AHCTF1: variants seen among roughly 807,000 people sequenced by gnomAD.
The protein encoded by AHCTF1 is protein ELYS.
In AHCTF1, 24 loss-of-function variants were observed where a neutral mutation model predicts 248.4. That is an observed-to-expected ratio of 0.10 (90% CI 0.07 to 0.14). AHCTF1 has a LOEUF of 0.14. AHCTF1 is among the 10% of genes least tolerant of loss of function. The pLI, the probability that AHCTF1 is intolerant of heterozygous loss-of-function variation, is 1.00. For missense variants in AHCTF1, 2,206 were observed against 2,636.2 expected, an observed-to-expected ratio of 0.84 and a Z score of 3.57; for synonymous variants, 786 against 929.8, an observed-to-expected ratio of 0.85 and a Z score of 2.81.
Position 246,877,144 on chromosome 1 carries a change from C to A in AHCTF1, c.2805+14G>T. ...TCTTGAATTTCTGACAAGTTTACAT[C>A]GGTAAGTAATTACCTGCTCAGTGTC... On this transcript the variant is annotated intron_variant, in intron 22 of 35. Coordinates refer to ENST00000648844, the MANE Select transcript of AHCTF1 (RefSeq NM_001323342.2). The A allele has an allele frequency of 6.2e-7, 1 of 1,612,430 alleles. No homozygotes were observed. Among genetic ancestry groups the A allele is most frequent in the Non-Finnish European group, 8.5e-7 (1 of 1,179,660 alleles).
intron 25 of AHCTF1, 129 bp downstream of exon 25, chr1:246,867,532 C>G (rs1292582379): frequency 1.6e-6 from 2 of 1,241,168 alleles, no homozygotes; most frequent in Non-Finnish European, 2.3e-6. Flanking sequence ...ACATAGCCAA[C>G]ATAAAGAGTT....
intron 30 of AHCTF1, among the ~76,000 whole-genome samples, chr1:246,856,207 C>T (rs1465986037): frequency 6.6e-6 from 1 of 152,052 alleles, no homozygotes; most frequent in Non-Finnish European, 1.5e-5. Context: ...AGGCAAGGTT[C>T]AATATTTTAA....
At chr1:246,860,702 C>T (rs41304042) in intron 29 of AHCTF1, among the ~76,000 whole-genome samples, 197 bp downstream of exon 29, 119 of 152,246 alleles carry the variant, frequency 7.8e-4, no homozygotes, top group Non-Finnish European at 1.5e-3. Context: ...GACAGGGCCT[C>T]GCTATGTTGA....
intron 33 of AHCTF1, 23 bp downstream of exon 33, chr1:246,849,590 CTG>C (rs751312983): frequency 4.5e-6 from 7 of 1,568,284 alleles, no homozygotes; most frequent in Non-Finnish European, 6.0e-6. Flanking sequence ...AGATGAAAAA[CTG>C]TTTTGCAGAG....
chr1:246,842,979 A>C (rs1265245949), intron 34 of AHCTF1, among the ~76,000 whole-genome samples: 1 of 152,144 alleles, frequency 6.6e-6, no homozygotes, highest in Non-Finnish European at 1.5e-5. Flanking sequence ...CAATTCAACT[A>C]ATCTCCAAGT....
At position 246,867,525 on chromosome 1, in the gene AHCTF1, T is replaced by C. The variant is rs539368916; in HGVS notation, c.3239+136A>G. Reference sequence around the variant, plus strand: ...TTTTTAAAAATTCTTCTCAGAAACATAGCCAACATAAAGAGTTTTTCTTTT... The same window carrying C: ...TTTTTAAAAATTCTTCTCAGAAACACAGCCAACATAAAGAGTTTTTCTTTT... On this transcript the variant is annotated intron_variant, in intron 25 of 35. Transcript: ENST00000648844. 893 of 1,204,650 alleles carry C rather than the reference T, an allele frequency of 7.4e-4. 2 individuals carry two copies. Among genetic ancestry groups the C allele is most frequent in the South Asian group, 1.5e-3 (102 of 67,472 alleles). The allele number at this position is 1,204,650 out of a possible 1,614,324, so 74.6% of individuals were successfully genotyped here.
intron 33 of AHCTF1, 38 bp downstream of exon 33, chr1:246,849,577 C>T: frequency 6.4e-7 from 1 of 1,554,776 alleles, no homozygotes. Flanking sequence ...TGAAGAGTGA[C>T]TGAGATGAAA....
chr1:246,889,740 T>G (rs1664087820), intron 17 of AHCTF1, among the ~76,000 whole-genome samples: 1 of 152,208 alleles, frequency 6.6e-6, no homozygotes, highest in East Asian at 1.9e-4. Context: ...TGGTCAAGAC[T>G]CTCAACACCA....
At position 246,900,262 on chromosome 1, in the gene AHCTF1, A is replaced by G. The variant is rs767836813; in HGVS notation, c.1251-16T>C. On this transcript the variant is annotated splice_polypyrimidine_tract_variant and intron_variant, in intron 9 of 35. Coordinates refer to ENST00000648844, the MANE Select transcript of AHCTF1 (RefSeq NM_001323342.2). Reference sequence around the variant, plus strand: ...TTCTCCTGACCTAAAAGAAAATTTAAAACATTACTAAGTCATTGGTCAGCT... The same window carrying G: ...TTCTCCTGACCTAAAAGAAAATTTAGAACATTACTAAGTCATTGGTCAGCT... The G allele has an allele frequency of 3.8e-6, 6 of 1,585,246 alleles. No homozygotes were observed. Among genetic ancestry groups the G allele is most frequent in the Non-Finnish European group, 1.7e-6 (2 of 1,170,988 alleles).
chr1:246,860,808 G>C, intron 29 of AHCTF1, 91 bp downstream of exon 29: 1 of 1,501,196 alleles, frequency 6.7e-7, no homozygotes, highest in Non-Finnish European at 9.0e-7. Flanking sequence ...TACCTGGCTA[G>C]GATGCTTTTC....
intron 29 of AHCTF1, among the ~76,000 whole-genome samples, chr1:246,859,628 G>A (rs534733257): frequency 1.3e-5 from 2 of 152,198 alleles, no homozygotes; most frequent in African/African-American, 4.8e-5. Context: ...GGAGTTCAGT[G>A]GCGCAATCAC....
At chr1:246,874,260 C>G (rs1195803053) in intron 24 of AHCTF1, among the ~76,000 whole-genome samples, 19 of 152,056 alleles carry the variant, frequency 1.2e-4, no homozygotes, top group Admixed American at 1.2e-3. Context: ...GCCTCTGTCT[C>G]CCTTGCATAA....
intron 33 of AHCTF1, among the ~76,000 whole-genome samples, 154 bp from the exon 34 acceptor site, chr1:246,844,082 G>A (rs1261182081): frequency 6.6e-6 from 1 of 152,168 alleles, no homozygotes; most frequent in Non-Finnish European, 1.5e-5. Flanking sequence ...TATCCATGTT[G>A]GCAGAGAAAC....
rs114766348 is a variant in AHCTF1, at chr1:246,895,666, T to C, written c.1714+169A>G. Among the ~76,000 whole-genome samples, 928 of 152,274 alleles carry C rather than the reference T, an allele frequency of 6.1e-3. 2 individuals carry two copies. The highest frequency in any genetic ancestry group is 0.021 in the African/African-American group (858 of 41,544). ...GTACTAAAGGTTTGTCAGATCATCA[T>C]ACTGTGGGCAAACGTGCTAAAGGGG... On this transcript the variant is annotated intron_variant, in intron 13 of 35. Transcript: ENST00000648844.
chr1:246,858,293 CAA>C, intron 29 of AHCTF1, among the ~76,000 whole-genome samples: 1 of 152,252 alleles, frequency 6.6e-6, no homozygotes, highest in East Asian at 1.9e-4. Context: ...GAACCTAGCT[CAA>C]GAGCCCCCCT....
At chr1:246,855,294 A>C (rs1238001503) in intron 31 of AHCTF1, among the ~76,000 whole-genome samples, 2 of 152,194 alleles carry the variant, frequency 1.3e-5, no homozygotes, top group Non-Finnish European at 1.5e-5. Context: ...CTAACTGAGA[A>C]TAGGCCTTCA....
chr1:246,896,133 A>G (rs959689240), intron 12 of AHCTF1, among the ~76,000 whole-genome samples: 2 of 152,216 alleles, frequency 1.3e-5, no homozygotes, highest in Non-Finnish European at 2.9e-5. Flanking sequence ...TGTAAAATGG[A>G]ACAGCCACTC....
chr1:246,929,945 A>G (rs1324873529), intron 1 of AHCTF1, among the ~76,000 whole-genome samples: 15 of 151,968 alleles, frequency 9.9e-5, no homozygotes, highest in South Asian at 2.1e-4. Context: ...CCAGCTACTC[A>G]GGAGGCTGAG....
rs1269166525 is a variant in AHCTF1, at chr1:246,840,113, A to G, written c.*693T>C. On this transcript the variant is annotated 3_prime_UTR_variant, in exon 36 of 36. Coordinates refer to ENST00000648844, the MANE Select transcript of AHCTF1 (RefSeq NM_001323342.2). ...TTGTCAAACCCTTTGATAAGGTTGC[A>G]AGTGAGCAGTGAACCGGTCAATCTA... 2.0e-5 allele frequency: 3 copies of G among 152,658 alleles called. No homozygotes were observed. Among genetic ancestry groups the G allele is most frequent in the African/African-American group, 7.2e-5 (3 of 41,468 alleles). The allele number at this position is 152,658 out of a possible 1,614,324, so 9.5% of individuals were successfully genotyped here.
Sources: gnomAD v4.1 joint callset for allele counts (sites outside exome capture counted in the v4.1 genomes callset) on GRCh38, gnomAD v4.1.1 for gene constraint, MANE v1.5 for transcripts, NCBI Gene and HGNC (gene_info 2026-07-23, HGNC 2026-07-21) for gene names.